RBM12: variants seen among roughly 807,000 people sequenced by gnomAD.
The protein encoded by RBM12 is RNA binding motif protein 12.
A neutral mutation model predicts 37.2 loss-of-function variants in RBM12; 24 were observed. The observed-to-expected ratio is 0.65, with a 90% CI of 0.47 to 0.91. The LOEUF is 0.91. RBM12 is among the 40% of genes least tolerant of loss of function. The pLI, the probability that RBM12 is intolerant of heterozygous loss-of-function variation, is 0.00. For missense variants in RBM12, 1,061 were observed against 1,183.2 expected, an observed-to-expected ratio of 0.90 and a Z score of 1.52; for synonymous variants, 420 against 425.2, an observed-to-expected ratio of 0.99 and a Z score of 0.15.
In RBM12 at chr20:35,653,027, C is replaced by T; in HGVS notation, c.2296G>A (p.Gly766Arg). The change falls in exon 3 of 3, where the codon GGA (glycine) becomes AGA (arginine). Residue 766 changes from glycine to arginine, a missense_variant. Around this residue, in one of 3 missense-constraint regions of RBM12, gnomAD observed 517 missense variants for 534.0 expected, o/e 0.97. Coordinates refer to ENST00000374114, the MANE Select transcript of RBM12 (RefSeq NM_006047.6). ...CCTCCAAAACCCGGAACATCCAGTC[C>T]TAGACCAGGCAAACCACTGTTTCCA... ...SVGNSGLPGL[G>R]LDVPGFGGGP... The T allele has an allele frequency of 6.2e-7, 1 of 1,613,868 alleles. No homozygotes were observed. Among genetic ancestry groups the T allele is most frequent in the Non-Finnish European group, 8.5e-7 (1 of 1,180,050 alleles).
chr20:35,657,566 C>T (rs762908333), intron 2 of RBM12, among the ~76,000 whole-genome samples: 3 of 152,108 alleles, frequency 2.0e-5, no homozygotes, highest in African/African-American at 7.2e-5. Flanking sequence ...GTGACATACA[C>T]AGTTAAGTCT....
chr20:35,653,244 G>A lies in RBM12; in HGVS notation c.2079C>T (p.Pro693=). The A allele has an allele frequency of 6.2e-7, 1 of 1,613,586 alleles. No individual in the cohort carries two copies. The highest frequency in any genetic ancestry group is 8.5e-7 in the Non-Finnish European group (1 of 1,179,916). Residue 693 remains proline (P), a synonymous_variant, in exon 3 of 3, where the codon CCC becomes CCT. Transcript: ENST00000374114. The part of the protein sequence containing the change: ...TSAGLPGAGM[P]SAGIPSAGGE... ...CTCCTGCACTAGGTATTCCTGCACT[G>A]GGCATTCCCGCACCAGGCAGTCCTG...
rs777448719 is a variant in RBM12 at position 35,653,326 on chromosome 20, C to G, written c.1997G>C (p.Gly666Ala). Residue 666 changes from glycine (G) to alanine (A), a missense_variant, in exon 3 of 3, where the codon GGA becomes GCA. Transcript: ENST00000374114. The stretch of plus-strand genomic sequence containing the variant: ...GCTGGGCAGGCCTGCACCGGGAAGT[C>G]CTGCACTGGGCAGTCCCACACCGGG... ...GLPGVGLPSAGLPGAGLPSTG... is the reference protein window; with the variant it reads ...GLPGVGLPSAALPGAGLPSTG... The G allele has an allele frequency of 6.2e-7, 1 of 1,613,878 alleles. No homozygotes were observed. Among genetic ancestry groups the G allele is most frequent in the African/African-American group, 1.3e-5 (1 of 74,940 alleles).
intron 1 of RBM12, among the ~76,000 whole-genome samples, chr20:35,661,359 C>A (rs2034222000): frequency 6.6e-6 from 1 of 152,150 alleles, no homozygotes; most frequent in Non-Finnish European, 1.5e-5. Context: ...TTTCAAAAAT[C>A]CACGCCATTT....
At position 35,654,770 on chromosome 20, in the gene RBM12, C is replaced by T. The variant is rs776700149; in HGVS notation, c.553G>A (p.Val185Ile). 1 of 1,613,932 alleles carries T rather than the reference C, an allele frequency of 6.2e-7. No homozygotes were observed. The highest frequency in any genetic ancestry group is 8.5e-7 in the Non-Finnish European group (1 of 1,179,846). ...VPSTASPMNTVPPPPIPPIPA... is the reference protein window; with the variant it reads ...VPSTASPMNTIPPPPIPPIPA... ...ATTGGAGGAATTGGTGGCGGCGGGA[C>T]TGTGTTCATTGGAGAGGCTGTGCTT... is the stretch of plus-strand genomic sequence containing the variant. Residue 185 changes from valine (V) to isoleucine (I), a missense_variant, in exon 3 of 3, where the codon GTC becomes ATC. Val to Ile is a conservative substitution (Grantham distance 29, BLOSUM62 3). Transcript: ENST00000374114.
At position 35,652,449 on chromosome 20, in the gene RBM12, A is replaced by G; in HGVS notation, c.*75T>C. ...AACAATCCACAGGTTCTAACCTGGA[A>G]ATACTAGGAAAACAATCTGGATGCA... On this transcript the variant is annotated 3_prime_UTR_variant, in exon 3 of 3. Transcript: ENST00000374114. 1.3e-6 allele frequency: 2 copies of G among 1,490,764 alleles called. No individual in the cohort carries two copies. The highest frequency in any genetic ancestry group is 1.8e-6 in the Non-Finnish European group (2 of 1,108,532). The allele number at this position is 1,490,764 out of a possible 1,614,324, so 92.3% of individuals were successfully genotyped here.
chr20:35,658,090 A>T (rs1416780466), intron 2 of RBM12, among the ~76,000 whole-genome samples: 4 of 151,412 alleles, frequency 2.6e-5, no homozygotes, highest in African/African-American at 9.7e-5. Context: ...TTAAAAAAAA[A>T]TTTAAAAAAG....
intron 1 of RBM12, among the ~76,000 whole-genome samples, chr20:35,664,023 G>A (rs17092957): frequency 0.043 from 6,559 of 152,212 alleles, 160 homozygotes; most frequent in African/African-American, 0.072. Context: ...GGGGACCAAA[G>A]GCCTGGCATC....
At position 35,654,547 on chromosome 20, in the gene RBM12, A is replaced by G; in HGVS notation, c.776T>C (p.Met259Thr). ...PPPVAPLPAG[M>T]NGSGAPMNLN... ...ATTCATAGGTGCTCCAGAGCCATTC[A>G]TTCCAGCAGGTAGAGGTGCCACAGG... The change falls in exon 3 of 3, where the codon ATG becomes ACG. Residue 259 changes from methionine (M) to threonine (T), a missense_variant. By Grantham distance (81) the Met-to-Thr change is moderately conservative. Coordinates refer to ENST00000374114, the MANE Select transcript of RBM12 (RefSeq NM_006047.6). 3.1e-6 allele frequency: 5 copies of G among 1,614,232 alleles called. No homozygotes were observed. Among genetic ancestry groups the G allele is most frequent in the Non-Finnish European group, 4.2e-6 (5 of 1,180,046 alleles).
intron 2 of RBM12, among the ~76,000 whole-genome samples, chr20:35,658,124 A>G (rs2034012463): frequency 6.6e-6 from 1 of 152,194 alleles, no homozygotes; most frequent in South Asian, 2.1e-4. Flanking sequence ...GTTACTAAGT[A>G]ACTGTTTGAC....
At chr20:35,661,115 AC>A (rs1397008979) in intron 1 of RBM12, among the ~76,000 whole-genome samples, 3 of 152,144 alleles carry the variant, frequency 2.0e-5, no homozygotes, top group Non-Finnish European at 4.4e-5. Context: ...AGGAATACCC[AC>A]CCCACCCCAT....
rs2033552433 is a variant in RBM12 at position 35,651,945 on chromosome 20, A to G, written c.*579T>C. 1 of 152,582 alleles carries G rather than the reference A, an allele frequency of 6.6e-6. No individual in the cohort carries two copies. The highest frequency in any genetic ancestry group is 1.5e-5 in the Non-Finnish European group (1 of 68,042). The allele number at this position is 152,582 out of a possible 1,614,324, so 9.5% of individuals were successfully genotyped here. A position where few individuals can be genotyped will look rare whatever the true frequency, so the allele number is the denominator to read the frequency against. On this transcript the variant is annotated 3_prime_UTR_variant, in exon 3 of 3. Transcript: ENST00000374114. The stretch of plus-strand genomic sequence containing the variant: ...CATTTACAAATGAGTCAATTAGACA[A>G]ACAAAGCAGCAACTTCTGAAGCAGG...
intron 2 of RBM12, among the ~76,000 whole-genome samples, chr20:35,656,989 AC>A (rs1178458144): frequency 2.0e-5 from 3 of 152,238 alleles, no homozygotes; most frequent in Admixed American, 6.5e-5. Context: ...TACTAATGCA[AC>A]AAAATCTGTA....
Position 35,654,529 on chromosome 20 carries a change from G to C in RBM12, c.794C>G (p.Pro265Arg). 1 of 1,614,172 alleles carries C rather than the reference G, an allele frequency of 6.2e-7. No individual in the cohort carries two copies. Reference protein sequence around the residue: ...LPAGMNGSGAPMNLNNNLNPM... With the variant: ...LPAGMNGSGARMNLNNNLNPM... ...ATTCAGATTATTGTTCAAATTCATA[G>C]GTGCTCCAGAGCCATTCATTCCAGC... is the stretch of plus-strand genomic sequence containing the variant. Residue 265 changes from proline (P) to arginine (R), a missense_variant, in exon 3 of 3, where the codon CCT becomes CGT. Pro to Arg is a moderately radical substitution (Grantham distance 103). Around this residue, in one of 3 missense-constraint regions of RBM12, gnomAD observed 540 missense variants for 632.7 expected, o/e 0.85. Coordinates refer to ENST00000374114, the MANE Select transcript of RBM12 (RefSeq NM_006047.6).
At chr20:35,662,335 A>G (rs1332603260) in intron 1 of RBM12, among the ~76,000 whole-genome samples, 1 of 152,260 alleles carries the variant, frequency 6.6e-6, no homozygotes, top group Non-Finnish European at 1.5e-5. Context: ...TCTGTTTTTG[A>G]GTCTTAAAAG....
At chr20:35,660,972 T>A (rs910727265) in intron 1 of RBM12, among the ~76,000 whole-genome samples, 6 of 152,206 alleles carry the variant, frequency 3.9e-5, no homozygotes, top group African/African-American at 1.4e-4. Context: ...AGGAAGATAT[T>A]TCTCATTCCA....
chr20:35,659,138 CAAAAAAA>C lies in RBM12; in HGVS notation c.-107-131_-107-125del, dbSNP rs370328377. The stretch of plus-strand genomic sequence containing the variant: ...CAGAGTACTTCATTAGAATGCATAT[CAAAAAAA>C]AAAAAAAAAAGAAAGACACCGTAAC... On this transcript the variant is annotated intron_variant, in intron 1 of 2. Coordinates refer to ENST00000374114, the MANE Select transcript of RBM12 (RefSeq NM_006047.6). 57 of 272,332 alleles carry C rather than the reference CAAAAAAA, an allele frequency of 2.1e-4. 2 individuals are homozygous for C. Among genetic ancestry groups the C allele is most frequent in the Middle Eastern group, 1.8e-3 (2 of 1,098 alleles). 16.9% of individuals were successfully genotyped at this position (272,332 alleles called of 1,614,324 possible). A position where few individuals can be genotyped will look rare whatever the true frequency, so the allele number is the denominator to read the frequency against.
Position 35,655,340 on chromosome 20 carries a change from C to T in RBM12, c.-18G>A, listed in dbSNP as rs1601481488. 6.3e-7 allele frequency: 1 copy of T among 1,596,490 alleles called. No individual in the cohort carries two copies. The highest frequency in any genetic ancestry group is 8.5e-7 in the Non-Finnish European group (1 of 1,176,106). On this transcript the variant is annotated 5_prime_UTR_variant, in exon 3 of 3. The change creates a new upstream start codon in the 5' untranslated region. Coordinates refer to ENST00000374114, the MANE Select transcript of RBM12 (RefSeq NM_006047.6). ...ACAGCCATGCTGCGCTGAAACCACACACACCTGCAGATGAGAAAAGGCAAC... is the reference window on the plus strand; with the variant it reads ...ACAGCCATGCTGCGCTGAAACCACATACACCTGCAGATGAGAAAAGGCAAC...
Position 35,653,516 on chromosome 20 carries a change from G to A in RBM12, c.1807C>T (p.Arg603Cys), listed in dbSNP as rs753301036. 23 of 1,614,164 alleles carry A rather than the reference G, an allele frequency of 1.4e-5. No individual in the cohort carries two copies. The highest frequency in any genetic ancestry group is 5.5e-5 in the South Asian group (5 of 91,084). Residue 603 changes from arginine to cysteine, a missense_variant, in exon 3 of 3, where the codon CGC (arginine) becomes TGC (cysteine). Physicochemically the swap from Arg to Cys is radical, Grantham distance 180 (BLOSUM62 -3). Coordinates refer to ENST00000374114, the MANE Select transcript of RBM12 (RefSeq NM_006047.6). Reference protein sequence around the residue: ...KNEDDARKSERLHRKKLNGRE... With the variant: ...KNEDDARKSECLHRKKLNGRE... ...CCATTAAGTTTTTTACGGTGTAAGC[G>A]TTCAGACTTACGTGCATCATCTTCA...
Sources: gnomAD v4.1 joint callset for allele counts (sites outside exome capture counted in the v4.1 genomes callset) on GRCh38, gnomAD v4.1.1 for gene constraint, gnomAD v4.1.1 regional missense constraint, MANE v1.5 for transcripts, NCBI Gene and HGNC (gene_info 2026-07-23, HGNC 2026-07-21) for gene names.